Variants in ORC2 observed in about 807,000 individuals in gnomAD.
ORC2 encodes origin recognition complex subunit 2.
Under a neutral mutation model 77.7 loss-of-function variants are expected in ORC2, and 37 were observed. The ratio of observed to expected loss-of-function variants is 0.48; its 90% CI spans 0.37 to 0.63. The LOEUF is 0.63. Among genes scored for constraint, ORC2 ranks in the 20% least tolerant of loss-of-function variants. The probability of loss-of-function intolerance (pLI) is 0.00; values close to 1 mark genes in which losing one functional copy is unlikely to be tolerated. For missense variants in ORC2, 557 were observed against 661.9 expected, an observed-to-expected ratio of 0.84 and a Z score of 1.74; for synonymous variants, 201 against 229.5, an observed-to-expected ratio of 0.88 and a Z score of 1.12.
intron 4 of ORC2, among the ~76,000 whole-genome samples, chr2:200,953,915 CCA>C (rs1470277715): frequency 1.3e-5 from 2 of 152,182 alleles, no homozygotes; most frequent in Non-Finnish European, 2.9e-5. Context: ...CTCCTGGGCT[CCA>C]GTGATCCTCC....
chr2:200,948,114 T>C (rs542259128), intron 5 of ORC2, among the ~76,000 whole-genome samples: 1 of 151,300 alleles, frequency 6.6e-6, no homozygotes, highest in Admixed American at 6.6e-5. Context: ...GGGGTTTCAC[T>C]GTGTTAGCCA....
chr2:200,945,043 G>T (rs1286373985), intron 5 of ORC2, among the ~76,000 whole-genome samples: 3 of 152,160 alleles, frequency 2.0e-5, no homozygotes, highest in African/African-American at 4.8e-5. Flanking sequence ...CAACAGCCAA[G>T]TTCAGTAGTC....
rs989383873 is a variant in ORC2, at chr2:200,922,650, A to G, written c.1148-1511T>C. Among the ~76,000 whole-genome samples the G allele has an allele frequency of 3.9e-4, 59 of 152,110 alleles. 2 individuals carry two copies. Among genetic ancestry groups the G allele is most frequent in the Non-Finnish European group, 1.5e-5 (1 of 68,032 alleles). On this transcript the variant is annotated intron_variant, in intron 13 of 17. Coordinates refer to ENST00000234296, the MANE Select transcript of ORC2 (RefSeq NM_006190.5). ...AGTGACAAAGATTCTGAGATGACAC[A>G]TTGTGAAAATCCCAGGTTCCCTGAA...
intron 8 of ORC2, 92 bp from the exon 9 acceptor site, chr2:200,935,984 G>C (rs2041039728): frequency 4.9e-6 from 5 of 1,024,734 alleles, no homozygotes; most frequent in Middle Eastern, 2.1e-4. Context: ...TCTGTAGTAA[G>C]AGTCTGAATT....
chr2:200,952,308 G>A (rs1288098535), intron 4 of ORC2, among the ~76,000 whole-genome samples: 1 of 151,966 alleles, frequency 6.6e-6, no homozygotes, highest in Non-Finnish European at 1.5e-5. Context: ...CGCCCAGGCT[G>A]GAGTGCAGTG....
Position 200,913,316 on chromosome 2 carries a change from G to A in ORC2, c.1626C>T (p.His542=), listed in dbSNP as rs773307155. 6.3e-7 allele frequency: 1 copy of A among 1,597,770 alleles called. No homozygotes were observed. Among genetic ancestry groups the A allele is most frequent in the Admixed American group, 1.7e-5 (1 of 59,526 alleles). ...TTACCTTCTTTGTTCTTATAAGCTT[G>A]TGGTCCCTAAATTCAGTTAACTGGG... ...LRAQLTEFRD[H]KLIRTKKGTD... is the part of the protein sequence containing the mutation. Residue 542 remains histidine (H), a synonymous_variant, in exon 17 of 18, where the codon CAC becomes CAT. Transcript: ENST00000234296.
chr2:200,962,352 A>G (rs2041595656), intron 1 of ORC2, among the ~76,000 whole-genome samples: 1 of 152,266 alleles, frequency 6.6e-6, no homozygotes, highest in Non-Finnish European at 1.5e-5. Context: ...TGGTAGCAAC[A>G]CACTCTCCTT....
intron 15 of ORC2, among the ~76,000 whole-genome samples, chr2:200,918,032 C>T (rs974124950): frequency 2.0e-5 from 3 of 151,884 alleles, no homozygotes; most frequent in African/African-American, 7.3e-5. Context: ...TAATTCCATG[C>T]ACATTTTAAA....
rs1559001242 is a variant in ORC2, at chr2:200,911,341, G to A, written c.1694C>T (p.Thr565Ile). The change falls in exon 18 of 18, where the codon ACA (threonine) becomes ATA (isoleucine). Residue 565 changes from threonine to isoleucine, a missense_variant. By Grantham distance (89) the Thr-to-Ile change is moderately conservative. Coordinates refer to ENST00000234296, the MANE Select transcript of ORC2 (RefSeq NM_006190.5). Reference sequence around the variant, plus strand: ...TTCCTTTTCCAAGAAATCAGTCAATGTTCCATTATCAACAGGAATTAATAA... The same window carrying A: ...TTCCTTTTCCAAGAAATCAGTCAATATTCCATTATCAACAGGAATTAATAA... ...EYLLIPVDNGTLTDFLEKEEE... is the reference protein window; with the variant it reads ...EYLLIPVDNGILTDFLEKEEE... 7 of 1,608,806 alleles carry A rather than the reference G, an allele frequency of 4.4e-6. No homozygotes were observed. Among genetic ancestry groups the A allele is most frequent in the African/African-American group, 1.3e-5 (1 of 74,918 alleles).
intron 4 of ORC2, among the ~76,000 whole-genome samples, chr2:200,954,668 G>C (rs766626478): frequency 3.3e-5 from 5 of 152,162 alleles, no homozygotes; most frequent in South Asian, 4.1e-4. Flanking sequence ...GTGGAAAAAA[G>C]ACTTTGACAT....
At chr2:200,944,381 G>A (rs2041213763) in intron 5 of ORC2, among the ~76,000 whole-genome samples, 1 of 152,062 alleles carries the variant, frequency 6.6e-6, no homozygotes, top group Non-Finnish European at 1.5e-5. Flanking sequence ...CACCATGCTG[G>A]CCAGGCTAGT....
chr2:200,931,377 C>T lies in ORC2; in HGVS notation c.879G>A (p.Gln293=). Residue 293 remains glutamine (Q), a synonymous_variant, in exon 11 of 18, where the codon CAG becomes CAA. Coordinates refer to ENST00000234296, the MANE Select transcript of ORC2 (RefSeq NM_006190.5). The part of the protein sequence containing the change: ...FSAELKQLNQ[Q]YEKLFHKWML... The stretch of plus-strand genomic sequence containing the variant: ...TCCATTTATGAAATAATTTTTCATA[C>T]TGTTGATTTAGTTGTTTAAGTTCGG... 1.3e-6 allele frequency: 2 copies of T among 1,517,114 alleles called. No homozygotes were observed. The highest frequency in any genetic ancestry group is 1.8e-6 in the Non-Finnish European group (2 of 1,132,442). The allele number at this position is 1,517,114 out of a possible 1,614,324, so 94.0% of individuals were successfully genotyped here.
chr2:200,921,881 C>A (rs895810383), intron 13 of ORC2: 14 of 152,224 alleles, frequency 9.2e-5, no homozygotes, highest in African/African-American at 3.1e-4. Flanking sequence ...AAGTGATCTG[C>A]CCGCCTCGGC....
At chr2:200,929,970 T>C (rs1389670250) in intron 11 of ORC2, among the ~76,000 whole-genome samples, 1 of 152,142 alleles carries the variant, frequency 6.6e-6, no homozygotes, top group Non-Finnish European at 1.5e-5. Context: ...TATAAACTTC[T>C]AATATACATT....
At chr2:200,943,939 T>C (rs551966900) in intron 5 of ORC2, among the ~76,000 whole-genome samples, 2 of 152,050 alleles carry the variant, frequency 1.3e-5, no homozygotes, top group Non-Finnish European at 2.9e-5. Flanking sequence ...ATTCTAGGCA[T>C]ACTTAAGGCT....
chr2:200,960,827 A>G (rs747650010), intron 1 of ORC2, among the ~76,000 whole-genome samples: 37 of 151,794 alleles, frequency 2.4e-4, no homozygotes, highest in Admixed American at 1.4e-3. Context: ...CCCAGGCTGG[A>G]GTGCAGAGGC....
rs1437328778 is a variant in ORC2, at chr2:200,945,541, C to T, written c.329-2764G>A. Among the ~76,000 whole-genome samples the T allele has an allele frequency of 2.6e-5, 4 of 152,056 alleles. No homozygotes were observed. In the South Asian group the frequency reaches 8.3e-4, roughly 32 times the overall value. Reference sequence around the variant, plus strand: ...GCCAAGATTACACCACACGTTCCAGCCGGGGCAATACAGTGAGACCCTTAA... The same window carrying T: ...GCCAAGATTACACCACACGTTCCAGTCGGGGCAATACAGTGAGACCCTTAA... On this transcript the variant is annotated intron_variant, in intron 5 of 17. Transcript: ENST00000234296.
chr2:200,928,155 A>C (rs574039045), intron 11 of ORC2, among the ~76,000 whole-genome samples: 2 of 152,040 alleles, frequency 1.3e-5, no homozygotes, highest in South Asian at 4.1e-4. Flanking sequence ...CAGGAATTCG[A>C]GACCAGCCTG....
intron 4 of ORC2, among the ~76,000 whole-genome samples, chr2:200,953,781 T>G (rs2041410297): frequency 6.6e-6 from 1 of 152,234 alleles, no homozygotes; most frequent in African/African-American, 2.4e-5. Flanking sequence ...CTAATGCCAC[T>G]GAACCCATAC....
Sources: gnomAD v4.1 joint callset for allele counts (sites outside exome capture counted in the v4.1 genomes callset) on GRCh38, gnomAD v4.1.1 for gene constraint, MANE v1.5 for transcripts, NCBI Gene and HGNC (gene_info 2026-07-23, HGNC 2026-07-21) for gene names.